Variants in PPIP5K2 observed in about 807,000 individuals in gnomAD.
The protein encoded by PPIP5K2 is diphosphoinositol pentakisphosphate kinase 2.
A neutral mutation model predicts 154.6 loss-of-function variants in PPIP5K2; 105 were observed. The observed-to-expected ratio is 0.68, with a 90% confidence interval of 0.58 to 0.80. The LOEUF (loss-of-function observed/expected upper bound fraction) is 0.80, where lower values mean the gene tolerates loss of function less well. PPIP5K2 is among the 30% of genes least tolerant of loss of function. The pLI is 0.00. For missense variants in PPIP5K2, 992 were observed against 1,504.6 expected (o/e 0.66, Z 5.64); for synonymous variants, 480 against 490.3 (o/e 0.98, Z 0.28).
chr5:103,180,665 T>C (rs1300943712), intron 24 of PPIP5K2, among the ~76,000 whole-genome samples: 1 of 151,664 alleles, frequency 6.6e-6, no homozygotes, highest in Admixed American at 6.6e-5. Context: ...CTGGCTAACA[T>C]AGTGAAACCC....
At chr5:103,197,568 A>G (rs1040650421) in intron 30 of PPIP5K2, among the ~76,000 whole-genome samples, 2 of 130,278 alleles carry the variant, frequency 1.5e-5, no homozygotes, top group African/African-American at 5.6e-5. Flanking sequence ...TTAAAACACA[A>G]ATTTTTTTTT....
chr5:103,210,414 T>C lies in PPIP5K2; in HGVS notation c.*8780T>C, dbSNP rs1803740744. On this transcript the variant is annotated 3_prime_UTR_variant, in exon 31 of 31. Coordinates refer to ENST00000358359, the MANE Select transcript of PPIP5K2 (RefSeq NM_001276277.3). The stretch of plus-strand genomic sequence containing the variant: ...ATATTTAACCATGAGGTTATGATGA[T>C]TTTTTCTCTACACTTTTTGAGAAGC... The C allele has an allele frequency of 6.6e-6, 1 of 152,146 alleles. No individual in the cohort carries two copies. The highest frequency in any genetic ancestry group is 2.1e-4 in the South Asian group (1 of 4,828). 9.4% of individuals were successfully genotyped at this position (152,146 alleles called of 1,614,324 possible).
At chr5:103,178,216 G>A (rs1199475627) in intron 23 of PPIP5K2, among the ~76,000 whole-genome samples, 2 of 151,930 alleles carry the variant, frequency 1.3e-5, no homozygotes, top group African/African-American at 2.4e-5. Context: ...TGTTTAGAAT[G>A]GATAACCTTA....
At chr5:103,123,080 A>C (rs1789048219) in intron 1 of PPIP5K2, among the ~76,000 whole-genome samples, 1 of 152,214 alleles carries the variant, frequency 6.6e-6, no homozygotes. Flanking sequence ...ATACATTCTA[A>C]ATTGAGTTAT....
chr5:103,152,454 T>C (rs1228198836), intron 9 of PPIP5K2, among the ~76,000 whole-genome samples, 194 bp from the exon 10 acceptor site: 2 of 151,910 alleles, frequency 1.3e-5, no homozygotes, highest in Non-Finnish European at 3.0e-5. Flanking sequence ...TGAAATCCCA[T>C]TGATGTGTCT....
intron 30 of PPIP5K2, among the ~76,000 whole-genome samples, chr5:103,201,181 T>C (rs1406340689): frequency 6.6e-6 from 1 of 152,210 alleles, no homozygotes; most frequent in African/African-American, 2.4e-5. Flanking sequence ...TATATACATA[T>C]CTTGAGCTAA....
chr5:103,209,944 G>A lies in PPIP5K2; in HGVS notation c.*8310G>A, dbSNP rs1281775646. 7 of 152,044 alleles carry A rather than the reference G, an allele frequency of 4.6e-5. No homozygotes were observed. Among genetic ancestry groups the A allele is most frequent in the Admixed American group, 3.3e-4 (5 of 15,248 alleles). 9.4% of individuals were successfully genotyped at this position (152,044 alleles called of 1,614,324 possible). ...TAGATATGCTGATTTGTCCAACAAT[G>A]CCTGTACTCAAAAGTCATGACAATA... On this transcript the variant is annotated 3_prime_UTR_variant, in exon 31 of 31. Transcript: ENST00000358359.
intron 21 of PPIP5K2, among the ~76,000 whole-genome samples, chr5:103,177,153 A>G (rs75660623): frequency 1.1e-5 from 1 of 88,618 alleles, no homozygotes; most frequent in Non-Finnish European, 3.0e-5. Context: ...AGTGTTTGTC[A>G]TATTTCAAGA....
Position 103,152,650 on chromosome 5 carries a change from A to T in PPIP5K2, c.1031A>T (p.Asn344Ile). ...ATCTTTTCTTTTTTGTCTTGAAGAAATATTGTAATGCGAGAACTTGCTCCA... is the reference window on the plus strand; with the variant it reads ...ATCTTTTCTTTTTTGTCTTGAAGAATTATTGTAATGCGAGAACTTGCTCCA... ...YYDDCAKILG[N>I]IVMRELAPQF... The change falls in exon 10 of 31, where the codon AAT becomes ATT. Residue 344 changes from asparagine (N) to isoleucine (I), a missense_variant and splice_region_variant. Asn to Ile is a moderately radical substitution (Grantham distance 149). Around this residue, in one of 9 missense-constraint regions of PPIP5K2, gnomAD observed 163 missense variants for 285.2 expected, o/e 0.57. Transcript: ENST00000358359. 6.4e-7 allele frequency: 1 copy of T among 1,571,488 alleles called. No homozygotes were observed. Among genetic ancestry groups the T allele is most frequent in the Non-Finnish European group, 8.7e-7 (1 of 1,143,418 alleles).
intron 17 of PPIP5K2, among the ~76,000 whole-genome samples, chr5:103,159,992 A>T (rs1554215093): frequency 6.6e-6 from 1 of 152,042 alleles, no homozygotes; most frequent in Admixed American, 6.6e-5. Context: ...ACTTTTTTAG[A>T]TTCTACATAT....
chr5:103,151,406 C>G lies in PPIP5K2; in HGVS notation c.1028+32C>G, dbSNP rs115133733. On this transcript the variant is annotated intron_variant, in intron 9 of 30. Transcript: ENST00000358359. Reference sequence around the variant, plus strand: ...ATTTTTAAATTTTTCTTTTTACCTTCATATACTAGTTATTCAGAAACCAAA... The same window carrying G: ...ATTTTTAAATTTTTCTTTTTACCTTGATATACTAGTTATTCAGAAACCAAA... The G allele has an allele frequency of 6.0e-6, 9 of 1,512,122 alleles. No homozygotes were observed. In the South Asian group the frequency reaches 8.3e-5, roughly 14 times the overall value. The allele number at this position is 1,512,122 out of a possible 1,614,324, so 93.7% of individuals were successfully genotyped here.
chr5:103,195,058 G>C, intron 30 of PPIP5K2, 33 bp downstream of exon 30: 1 of 1,590,746 alleles, frequency 6.3e-7, no homozygotes, highest in Non-Finnish European at 8.5e-7. Flanking sequence ...TTGTGGATTT[G>C]CACAGAAATT....
intron 5 of PPIP5K2, among the ~76,000 whole-genome samples, chr5:103,144,507 C>G (rs1379854747): frequency 4.6e-5 from 7 of 152,110 alleles, no homozygotes; most frequent in African/African-American, 1.7e-4. Flanking sequence ...GGAGGAATCA[C>G]ATTATTTGAC....
intron 21 of PPIP5K2, among the ~76,000 whole-genome samples, chr5:103,176,229 A>G (rs1798687230): frequency 6.6e-6 from 1 of 152,034 alleles, no homozygotes; most frequent in Non-Finnish European, 1.5e-5. Flanking sequence ...ATTAGAGAAG[A>G]CCTAGCAAAA....
Position 103,133,517 on chromosome 5 carries a change from T to C in PPIP5K2, c.179T>C (p.Met60Thr). The C allele has an allele frequency of 6.2e-7, 1 of 1,612,206 alleles. No homozygotes were observed. Among genetic ancestry groups the C allele is most frequent in the Non-Finnish European group, 8.5e-7 (1 of 1,179,572 alleles). ...GCAAAGAAATCCAAATCCAAACCAA[T>C]GAAGGAAATTCTTGAACGGATCTCC... ...SMAKKSKSKP[M>T]KEILERISLF... Residue 60 changes from methionine to threonine, a missense_variant, in exon 3 of 31, where the codon ATG (methionine) becomes ACG (threonine). By Grantham distance (81) the Met-to-Thr change is moderately conservative. This residue lies in a region of PPIP5K2 where 153 missense variants were observed against 200.4 expected (regional missense o/e 0.76). Transcript: ENST00000358359.
intron 3 of PPIP5K2, among the ~76,000 whole-genome samples, chr5:103,136,397 A>G (rs1374895260): frequency 1.3e-5 from 2 of 152,204 alleles, no homozygotes; most frequent in African/African-American, 4.8e-5. Flanking sequence ...TGATTCTGAT[A>G]CACCCATGTT....
rs1803561328 is a variant in PPIP5K2 at position 103,207,133 on chromosome 5, T to A, written c.*5499T>A. On this transcript the variant is annotated 3_prime_UTR_variant, in exon 31 of 31. Coordinates refer to ENST00000358359, the MANE Select transcript of PPIP5K2 (RefSeq NM_001276277.3). ...GATACAACTCCCTCCAGAGACTGGC[T>A]GTGTTTAAATCTCATGTGGGAAGGG... 6.6e-6 allele frequency: 1 copy of A among 152,260 alleles called. No homozygotes were observed. The allele number at this position is 152,260 out of a possible 1,614,324, so 9.4% of individuals were successfully genotyped here.
At chr5:103,200,678 C>T (rs1437690213) in intron 30 of PPIP5K2, among the ~76,000 whole-genome samples, 1 of 151,422 alleles carries the variant, frequency 6.6e-6, no homozygotes, top group African/African-American at 2.4e-5. Flanking sequence ...TTCTGTTACC[C>T]AAGCTGGACT....
At chr5:103,171,536 A>G (rs1797987623) in intron 19 of PPIP5K2, among the ~76,000 whole-genome samples, 1 of 151,530 alleles carries the variant, frequency 6.6e-6, no homozygotes, top group Admixed American at 6.6e-5. Context: ...GAGGACTTGC[A>G]TATCTAAAAA....
Sources: gnomAD v4.1 joint callset for allele counts (sites outside exome capture counted in the v4.1 genomes callset) on GRCh38, gnomAD v4.1.1 for gene constraint, gnomAD v4.1.1 regional missense constraint, MANE v1.5 for transcripts, NCBI Gene and HGNC (gene_info 2026-07-23, HGNC 2026-07-21) for gene names.